The following COL5A1 variants were observed in gnomAD, a reference collection of about 807,000 sequenced individuals.
COL5A1 encodes collagen type V alpha 1 chain, also known as collagen alpha-1(V) chain.
Under a neutral mutation model 263.7 loss-of-function variants are expected in COL5A1, and 16 were observed. That is an observed-to-expected ratio of 0.06 (90% confidence interval 0.04 to 0.09). The LOEUF is 0.09. COL5A1 is among the 10% of genes least tolerant of loss of function. The pLI is 1.00. For missense variants in COL5A1, 2,036 were observed against 2,540.5 expected, an observed-to-expected ratio of 0.80 and a Z score of 4.27; for synonymous variants, 1,012 against 1,004.5, an observed-to-expected ratio of 1.01 and a Z score of -0.14.
At chr9:134,684,206 G>A (rs1369692167) in intron 1 of COL5A1, among the ~76,000 whole-genome samples, 2 of 152,232 alleles carry the variant, frequency 1.3e-5, no homozygotes, top group Admixed American at 6.5e-5. Context: ...AGCCCTCGGA[G>A]GAGTGCTCGG....
intron 64 of COL5A1, among the ~76,000 whole-genome samples, chr9:134,831,738 AAG>A (rs1217015430): frequency 2.6e-5 from 4 of 152,238 alleles, no homozygotes; most frequent in South Asian, 2.1e-4. Context: ...GAAAAGCAGA[AAG>A]AGCCTATTTT....
chr9:134,708,964 C>G (rs1390161759), intron 4 of COL5A1: 7 of 456,550 alleles, frequency 1.5e-5, no homozygotes, highest in African/African-American at 1.4e-4. Context: ...TACACAGCCT[C>G]TCTCTTCCCC....
intron 1 of COL5A1, among the ~76,000 whole-genome samples, chr9:134,646,931 G>A (rs543176730): frequency 7.9e-5 from 12 of 152,286 alleles, no homozygotes; most frequent in Admixed American, 2.6e-4. Flanking sequence ...GCTTCCCCTC[G>A]TGAACATGGG....
At chr9:134,830,719 C>T (rs766770229) in intron 64 of COL5A1, among the ~76,000 whole-genome samples, 2 of 152,210 alleles carry the variant, frequency 1.3e-5, no homozygotes, top group East Asian at 1.9e-4. Flanking sequence ...TTTTGGGGAT[C>T]GAGTCTTACA....
At chr9:134,840,798 G>A (rs186454098) in intron 65 of COL5A1, among the ~76,000 whole-genome samples, 2 of 152,130 alleles carry the variant, frequency 1.3e-5, no homozygotes, top group African/African-American at 2.4e-5. Flanking sequence ...GGAGTCTCTC[G>A]GGTGCCTCTT....
chr9:134,808,941 G>C (rs1838405496), intron 42 of COL5A1: 3 of 578,026 alleles, frequency 5.2e-6, no homozygotes. Context: ...ATCTGTAAAA[G>C]AGCAGCCTTT....
Position 134,782,648 on chromosome 9 carries a change from T to A in COL5A1, c.2431-19T>A. 6.2e-7 allele frequency: 1 copy of A among 1,613,600 alleles called. No homozygotes were observed. Among genetic ancestry groups the A allele is most frequent in the Non-Finnish European group, 8.5e-7 (1 of 1,179,658 alleles). ...GGTCCTCTTGCCTAGACTAGGGCACTCTCTTGTCCCATATTCAGGGTGAAG... is the reference window on the plus strand; with the variant it reads ...GGTCCTCTTGCCTAGACTAGGGCACACTCTTGTCCCATATTCAGGGTGAAG... On this transcript the variant is annotated intron_variant, in intron 28 of 65. Coordinates refer to ENST00000371817, the MANE Select transcript of COL5A1 (RefSeq NM_000093.5).
At chr9:134,813,863 G>C (rs535734886) in intron 48 of COL5A1, 120 bp from the exon 49 acceptor site, 2 of 1,074,438 alleles carry the variant, frequency 1.9e-6, no homozygotes, top group Non-Finnish European at 2.8e-6. Context: ...AGAAACCCCT[G>C]GGTCCTGGGT....
intron 11 of COL5A1, among the ~76,000 whole-genome samples, chr9:134,748,110 CAT>C (rs1475627071): frequency 3.0e-4 from 24 of 79,622 alleles, no homozygotes; most frequent in African/African-American, 9.4e-4. Flanking sequence ...TCCACACATG[CAT>C]ACACAGACAT....
rs1461218386 is a variant in COL5A1, at chr9:134,806,260, G to A, written c.3330G>A (p.Gln1110=). The change falls in exon 42 of 66, where the codon CAG becomes CAA. Residue 1110 remains glutamine, a synonymous_variant. Transcript: ENST00000371817. The part of the protein sequence containing the change: ...PIGIPGRPGP[Q]GPPGPAGEKG... Reference sequence around the variant, plus strand: ...GAATTCCAGGGAGACCTGGGCCCCAGGGACCCCCAGGGCCGGCAGGAGAGA... The same window carrying A: ...GAATTCCAGGGAGACCTGGGCCCCAAGGACCCCCAGGGCCGGCAGGAGAGA... The A allele has an allele frequency of 5.2e-6, 8 of 1,549,926 alleles. No individual in the cohort carries two copies. In the East Asian group the frequency reaches 1.5e-4, roughly 28 times the overall value.
chr9:134,802,682 A>G lies in COL5A1; in HGVS notation c.3007-206A>G, dbSNP rs541336484. On this transcript the variant is annotated intron_variant, in intron 38 of 65. Coordinates refer to ENST00000371817, the MANE Select transcript of COL5A1 (RefSeq NM_000093.5). Reference sequence around the variant, plus strand: ...GGAAGAGGGCCACGCGGGGCCCAGCAGATGCCAGGCAGTGAGCAGCGTACC... The same window carrying G: ...GGAAGAGGGCCACGCGGGGCCCAGCGGATGCCAGGCAGTGAGCAGCGTACC... Among the ~76,000 whole-genome samples the G allele has an allele frequency of 2.6e-5, 4 of 152,372 alleles. No individual in the cohort carries two copies. The East Asian group carries it at 7.7e-4, about 29-fold the overall frequency.
rs1211779474 is a variant in COL5A1 at position 134,755,135 on chromosome 9, G to A, written c.1827+809G>A. On this transcript the variant is annotated intron_variant, in intron 16 of 65. Transcript: ENST00000371817. This position sits in a 1 kb window ranked among gnomAD's most constrained non-coding sequence, Gnocchi z 4.1. ...CGATAAGCCGCAGTTTGGCAGGTCC[G>A]AGGGTCTATGCAGGGATCTGGGCAT... Among the ~76,000 whole-genome samples, 1 of 152,190 alleles carries A rather than the reference G, an allele frequency of 6.6e-6. No individual in the cohort carries two copies. Among genetic ancestry groups the A allele is most frequent in the Admixed American group, 6.5e-5 (1 of 15,282 alleles).
intron 39 of COL5A1, among the ~76,000 whole-genome samples, chr9:134,803,642 CA>C (rs1009138203): frequency 6.6e-5 from 10 of 150,412 alleles, no homozygotes; most frequent in African/African-American, 2.2e-4. Flanking sequence ...TTTTTAAAAA[CA>C]AAAAACAAAA....
rs117528272 is a variant in COL5A1, at chr9:134,729,012, C to T, written c.924+205C>T. Among the ~76,000 whole-genome samples the T allele has an allele frequency of 3.4e-4, 52 of 152,310 alleles. No individual in the cohort carries two copies. In the East Asian group the frequency reaches 7.9e-3, roughly 23 times the overall value. ...ATCGGGCTTTCCGCAGTGAGGAGGA[C>T]GTTGGGAGATGCCAAGTATACAGGG... is the stretch of plus-strand genomic sequence containing the variant. On this transcript the variant is annotated intron_variant, in intron 6 of 65. Transcript: ENST00000371817.
chr9:134,692,624 A>AG (rs1833326504), intron 2 of COL5A1, among the ~76,000 whole-genome samples: 1 of 152,182 alleles, frequency 6.6e-6, no homozygotes, highest in Non-Finnish European at 1.5e-5. Flanking sequence ...CTGCTTTCCA[A>AG]GGGGATCTTC....
At chr9:134,713,064 C>T (rs1221295092) in intron 4 of COL5A1, among the ~76,000 whole-genome samples, 1 of 152,244 alleles carries the variant, frequency 6.6e-6, no homozygotes, top group Non-Finnish European at 1.5e-5. Context: ...GTCCATGCCT[C>T]TGGGAGGCTG....
At chr9:134,713,612 G>T (rs546574784) in intron 4 of COL5A1, among the ~76,000 whole-genome samples, 51 of 152,312 alleles carry the variant, frequency 3.3e-4, no homozygotes, top group Non-Finnish European at 1.6e-4. Context: ...ACAATCAATT[G>T]TACAAGCGCA....
chr9:134,813,733 G>A (rs1053479844), intron 48 of COL5A1, among the ~76,000 whole-genome samples: 10 of 152,210 alleles, frequency 6.6e-5, no homozygotes, highest in Non-Finnish European at 1.2e-4. Flanking sequence ...GCAGCGCTCC[G>A]GGAAAGCCTT....
At chr9:134,812,407 C>T in intron 46 of COL5A1, 42 bp from the exon 47 acceptor site, 3 of 1,603,714 alleles carry the variant, frequency 1.9e-6, no homozygotes, top group Non-Finnish European at 2.6e-6. Flanking sequence ...TTGACATACA[C>T]ATGACAGAAC....
Sources: gnomAD v4.1 joint callset for allele counts (sites outside exome capture counted in the v4.1 genomes callset) on GRCh38, gnomAD v4.1.1 for gene constraint, Gnocchi (gnomAD v3.1) non-coding constraint, MANE v1.5 for transcripts, NCBI Gene and HGNC (gene_info 2026-07-23, HGNC 2026-07-21) for gene names.